The following NCALD variants were observed in gnomAD, a reference collection of about 807,000 sequenced individuals.
NCALD encodes neurocalcin-delta.
Under a neutral mutation model 18.6 loss-of-function variants are expected in NCALD, and 10 were observed. The ratio of observed to expected loss-of-function variants is 0.54; its 90% confidence interval spans 0.33 to 0.91. NCALD has a LOEUF of 0.91. Among genes scored for constraint, NCALD ranks in the 40% least tolerant of loss-of-function variants. The probability of loss-of-function intolerance (pLI) is 0.03; values close to 1 mark genes in which losing one functional copy is unlikely to be tolerated. For synonymous variants in NCALD, 88 were observed against 87.4 expected (o/e 1.01, Z -0.04); for missense variants, 184 against 247.6 (o/e 0.74, Z 1.72).
intron 1 of NCALD, among the ~76,000 whole-genome samples, chr8:101,760,025 G>A (rs1811047879): frequency 6.6e-6 from 1 of 152,092 alleles, no homozygotes; most frequent in African/African-American, 2.4e-5. Context: ...AAAGATGGTG[G>A]GCAATAAACA....
rs113701933 is a variant in NCALD, at chr8:101,811,449, G to A, written c.-20+75692C>T. On this transcript the variant is annotated intron_variant, in intron 4 of 6. Coordinates refer to the NCALD transcript ENST00000311028. The stretch of plus-strand genomic sequence containing the variant: ...AAGCCTGCCTACACCTTAGCCCAGT[G>A]AGACCATTTTGGAGCTCTGAACTCT... 5.7e-3 allele frequency among the ~76,000 whole-genome samples: 869 copies of A among 152,264 alleles called. 9 individuals carry two copies. Among genetic ancestry groups the A allele is most frequent in the African/African-American group, 0.018 (763 of 41,542 alleles).
Position 101,811,454 on chromosome 8 carries a change from C to T in NCALD, c.-20+75687G>A, listed in dbSNP as rs113159661. On this transcript the variant is annotated intron_variant, in intron 4 of 6. Coordinates refer to the NCALD transcript ENST00000311028. ...TGCCTACACCTTAGCCCAGTGAGACCATTTTGGAGCTCTGAACTCTAGTAC... is the reference window on the plus strand; with the variant it reads ...TGCCTACACCTTAGCCCAGTGAGACTATTTTGGAGCTCTGAACTCTAGTAC... Among the ~76,000 whole-genome samples the T allele has an allele frequency of 5.7e-3, 867 of 152,210 alleles. 9 individuals are homozygous for T. The highest frequency in any genetic ancestry group is 0.018 in the African/African-American group (761 of 41,536).
At chr8:101,870,506 T>C (rs1263634934) in intron 4 of NCALD, among the ~76,000 whole-genome samples, 1 of 152,200 alleles carries the variant, frequency 6.6e-6, no homozygotes, top group Non-Finnish European at 1.5e-5. Flanking sequence ...ATTTAAGTTG[T>C]TACTTTGTTT....
chr8:102,004,568 C>T (rs1821619587), intron 2 of NCALD, among the ~76,000 whole-genome samples: 1 of 152,124 alleles, frequency 6.6e-6, no homozygotes. Context: ...GCCCGCATCG[C>T]CAAGTCAATC....
chr8:101,814,135 A>T (rs1813408417), intron 4 of NCALD, among the ~76,000 whole-genome samples: 1 of 152,074 alleles, frequency 6.6e-6, no homozygotes, highest in Non-Finnish European at 1.5e-5. Context: ...TACAGAAGAA[A>T]GCAGACTTCC....
At chr8:101,894,999 C>T (rs1817097778) in intron 3 of NCALD, among the ~76,000 whole-genome samples, 1 of 150,576 alleles carries the variant, frequency 6.6e-6, no homozygotes, top group Non-Finnish European at 1.5e-5. Context: ...GGGAATCCTC[C>T]CTAACTCATT....
chr8:101,980,489 G>T (rs1056352832), intron 2 of NCALD, among the ~76,000 whole-genome samples: 6 of 152,184 alleles, frequency 3.9e-5, no homozygotes, highest in South Asian at 2.1e-4. Flanking sequence ...TTGGCGAAGG[G>T]TCTCAGGATA....
At chr8:101,742,943 G>T (rs1810276090) in intron 1 of NCALD, among the ~76,000 whole-genome samples, 1 of 152,062 alleles carries the variant, frequency 6.6e-6, no homozygotes, top group East Asian at 1.9e-4. Context: ...CTATTCCTGT[G>T]TTAGTTTGCT....
At chr8:101,858,383 G>A (rs2131358351) in intron 4 of NCALD, among the ~76,000 whole-genome samples, 1 of 152,240 alleles carries the variant, frequency 6.6e-6, no homozygotes, top group Admixed American at 6.5e-5. Flanking sequence ...AAAGGTGAGA[G>A]GTGGAACTGA....
intron 3 of NCALD, among the ~76,000 whole-genome samples, chr8:101,901,559 A>G (rs1194078339): frequency 6.6e-6 from 1 of 152,106 alleles, no homozygotes; most frequent in Non-Finnish European, 1.5e-5. Context: ...TCCTTATTAT[A>G]ATAAATATAC....
rs547206728 is a variant in NCALD at position 102,017,696 on chromosome 8, AAAAACAAAAC to A, written c.-157+2531_-157+2540del. On this transcript the variant is annotated intron_variant, in intron 2 of 6. Coordinates refer to the NCALD transcript ENST00000311028. ...GGTGACAGAGCAAGACTCCGTCTCA[AAAAACAAAAC>A]AAAACAAAACAAAGTACTCTTCCAT... is the stretch of plus-strand genomic sequence containing the variant. 1.1e-4 allele frequency among the ~76,000 whole-genome samples: 17 copies of A among 152,356 alleles called. No individual in the cohort carries two copies. In the South Asian group the frequency reaches 3.1e-3, roughly 28 times the overall value.
chr8:101,972,587 C>A (rs151024616), intron 2 of NCALD, among the ~76,000 whole-genome samples: 2,680 of 152,258 alleles, frequency 0.018, 28 homozygotes, highest in South Asian at 0.03. Flanking sequence ...AATTCAACTT[C>A]TTTCTAGAAG....
Position 102,123,995 on chromosome 8 carries a change from GT to G in NCALD, c.-210+241del, listed in dbSNP as rs1563637897. ...GCCCACCCTCAAGGTCTGTAATTTTGTTTTGTTTTCCCTCAGAGGCACTGGG... is the reference window on the plus strand; with the variant it reads ...GCCCACCCTCAAGGTCTGTAATTTTGTTTGTTTTCCCTCAGAGGCACTGGG... On this transcript the variant is annotated intron_variant, in intron 1 of 6. Coordinates refer to the NCALD transcript ENST00000311028. 2.0e-5 allele frequency: 3 copies of G among 152,478 alleles called. No homozygotes were observed. In the South Asian group the frequency reaches 6.2e-4, roughly 32 times the overall value. 9.4% of individuals were successfully genotyped at this position (152,478 alleles called of 1,614,324 possible). A position where few individuals can be genotyped will look rare whatever the true frequency, so the allele number is the denominator to read the frequency against.
upstream of NCALD, among the ~76,000 whole-genome samples, chr8:101,792,739 C>A (rs932890446): frequency 6.6e-6 from 1 of 152,212 alleles, no homozygotes; most frequent in African/African-American, 2.4e-5. Context: ...CCCACGTTCT[C>A]TGAGCTGCTT....
At chr8:101,851,735 T>G (rs769494352) in intron 4 of NCALD, among the ~76,000 whole-genome samples, 5 of 152,122 alleles carry the variant, frequency 3.3e-5, no homozygotes, top group Non-Finnish European at 5.9e-5. Flanking sequence ...ACACCAGGCA[T>G]GCTAAGTACT....
At chr8:101,898,724 C>T (rs1375310298) in intron 3 of NCALD, among the ~76,000 whole-genome samples, 2 of 152,024 alleles carry the variant, frequency 1.3e-5, no homozygotes, top group African/African-American at 4.8e-5. Context: ...TTTTCAAGTT[C>T]TCTGTTCTGT....
rs1816059024 is a variant in NCALD, at chr8:101,872,453, C to A, written c.-20+14688G>T. The A allele has an allele frequency of 3.1e-6, 3 of 977,142 alleles. No homozygotes were observed. The African/African-American group carries it at 4.8e-5, about 16-fold the overall frequency. 60.5% of individuals were successfully genotyped at this position (977,142 alleles called of 1,614,324 possible). A position where few individuals can be genotyped will look rare whatever the true frequency, so the allele number is the denominator to read the frequency against. ...TGAAGGATGTGCTGCTCCTCTTCTGCCTTCTCTTCTGATTCTTTTATACTT... is the reference window on the plus strand; with the variant it reads ...TGAAGGATGTGCTGCTCCTCTTCTGACTTCTCTTCTGATTCTTTTATACTT... On this transcript the variant is annotated intron_variant, in intron 4 of 6. Coordinates refer to the NCALD transcript ENST00000311028.
chr8:101,792,098 C>A (rs1316772111), upstream of NCALD, among the ~76,000 whole-genome samples: 1 of 152,086 alleles, frequency 6.6e-6, no homozygotes. Flanking sequence ...AGTTAAAAGG[C>A]AGGGGAGAAG....
intron 2 of NCALD, among the ~76,000 whole-genome samples, chr8:101,988,779 C>G (rs1394503589): frequency 6.6e-6 from 1 of 151,860 alleles, no homozygotes; most frequent in Non-Finnish European, 1.5e-5. Context: ...GAGAGAAAAT[C>G]CCCTAGAGGA....
Sources: gnomAD v4.1 joint callset for allele counts (sites outside exome capture counted in the v4.1 genomes callset) on GRCh38, gnomAD v4.1.1 for gene constraint, MANE v1.5 for transcripts, NCBI Gene and HGNC (gene_info 2026-07-23, HGNC 2026-07-21) for gene names.